LRP1B: variants seen among roughly 807,000 people sequenced by gnomAD.
LRP1B encodes LDL receptor related protein 1B.
A neutral mutation model predicts 556.6 loss-of-function variants in LRP1B; 217 were observed. The observed-to-expected ratio is 0.39, with a 90% CI of 0.35 to 0.44. LRP1B has a LOEUF of 0.44. Among genes scored for constraint, LRP1B ranks in the 20% least tolerant of loss-of-function variants. The probability of loss-of-function intolerance (pLI) is 1.00; values close to 1 mark genes in which losing one functional copy is unlikely to be tolerated. For synonymous variants in LRP1B, 2,047 were observed against 1,865.8 expected (o/e 1.10, Z -2.50); for missense variants, 5,053 against 5,620.8 (o/e 0.90, Z 3.23).
At chr2:140,677,938 G>A (rs1685730564) in intron 41 of LRP1B, among the ~76,000 whole-genome samples, 1 of 151,104 alleles carries the variant, frequency 6.6e-6, no homozygotes. Context: ...AGGAGAATGA[G>A]TGGCATTGTT....
intron 8 of LRP1B, 90 bp downstream of exon 8, chr2:141,061,954 AGCTCGAC>A: frequency 1.1e-6 from 1 of 888,524 alleles, no homozygotes; most frequent in Non-Finnish European, 1.8e-6. Flanking sequence ...GACTCATTGC[AGCTCGAC>A]TTTACAAGAA....
At chr2:141,086,787 A>ATC (rs889580730) in intron 7 of LRP1B, among the ~76,000 whole-genome samples, 1 of 152,110 alleles carries the variant, frequency 6.6e-6, no homozygotes, top group Non-Finnish European at 1.5e-5. Flanking sequence ...GATTCAATCC[A>ATC]TCTCTTCATG....
chr2:140,601,316 AAG>A, intron 42 of LRP1B, 132 bp downstream of exon 42: 1 of 819,094 alleles, frequency 1.2e-6, no homozygotes, highest in Non-Finnish European at 1.7e-6. Flanking sequence ...ATAAAAAAAA[AAG>A]TTTTATGAAT....
chr2:141,885,596 T>C (rs967807224), intron 1 of LRP1B, among the ~76,000 whole-genome samples: 3 of 152,254 alleles, frequency 2.0e-5, no homozygotes, highest in South Asian at 2.1e-4. Flanking sequence ...AATGAGAGTG[T>C]CTAAGGGAGA....
intron 68 of LRP1B, among the ~76,000 whole-genome samples, chr2:140,375,103 T>C (rs969300538): frequency 6.6e-6 from 1 of 152,008 alleles, no homozygotes; most frequent in Non-Finnish European, 1.5e-5. Flanking sequence ...CTTTGCAACC[T>C]CCAAAGTGAT....
At chr2:140,401,541 T>A (rs1181210049) in intron 66 of LRP1B, among the ~76,000 whole-genome samples, 1 of 152,126 alleles carries the variant, frequency 6.6e-6, no homozygotes, top group African/African-American at 2.4e-5. Flanking sequence ...AGAGTGCTGA[T>A]CCACCTGAGA....
chr2:140,390,768 TCACACA>T (rs70985096), intron 66 of LRP1B, among the ~76,000 whole-genome samples: 44,545 of 143,658 alleles, frequency 0.31, 7,507 homozygotes, highest in Non-Finnish European at 0.41. Flanking sequence ...AATAGAAACT[TCACACA>T]CACACACACA....
Position 141,326,109 on chromosome 2 carries a change from T to C in LRP1B, c.344-71468A>G, listed in dbSNP as rs1390289251. ...AATGATTTCCTTTATTCTTATAAGA[T>C]GAATATTCATTTACACAGAGAGACA... On this transcript the variant is annotated intron_variant, in intron 3 of 90. Transcript: ENST00000389484. Among the ~76,000 whole-genome samples the C allele has an allele frequency of 8.5e-5, 13 of 152,278 alleles. No homozygotes were observed. The South Asian group carries it at 2.5e-3, about 29-fold the overall frequency.
At chr2:141,916,071 T>C (rs1225644809) in intron 1 of LRP1B, among the ~76,000 whole-genome samples, 1 of 152,214 alleles carries the variant, frequency 6.6e-6, no homozygotes, top group Admixed American at 6.5e-5. Context: ...AAACCCATTG[T>C]TGGGCATATT....
intron 2 of LRP1B, among the ~76,000 whole-genome samples, chr2:141,560,375 C>A (rs939691659): frequency 2.0e-5 from 3 of 151,650 alleles, no homozygotes; most frequent in South Asian, 2.1e-4. Context: ...ATAGCTAAAC[C>A]GCTGGATTGC....
At position 141,564,992 on chromosome 2, in the gene LRP1B, A is replaced by T. The variant is rs115329726; in HGVS notation, c.206-84459T>A. 5.7e-3 allele frequency among the ~76,000 whole-genome samples: 867 copies of T among 152,274 alleles called. 6 individuals carry two copies. Among genetic ancestry groups the T allele is most frequent in the African/African-American group, 0.02 (838 of 41,564 alleles). ...GACATTTTAAATGAAGAATTTATTT[A>T]TATTCAATAATGTTTTGGGCAACCT... On this transcript the variant is annotated intron_variant, in intron 2 of 90. Coordinates refer to ENST00000389484, the MANE Select transcript of LRP1B (RefSeq NM_018557.3).
At chr2:141,579,042 C>T (rs1686860696) in intron 2 of LRP1B, among the ~76,000 whole-genome samples, 1 of 152,112 alleles carries the variant, frequency 6.6e-6, no homozygotes, top group Non-Finnish European at 1.5e-5. Context: ...TTTCTTTAAC[C>T]AGTGACATTC....
At chr2:141,060,949 C>T (rs1699317444) in intron 8 of LRP1B, among the ~76,000 whole-genome samples, 1 of 151,764 alleles carries the variant, frequency 6.6e-6, no homozygotes, top group Non-Finnish European at 1.5e-5. Context: ...ACACTTCAGG[C>T]TTTCAAAACT....
intron 41 of LRP1B, among the ~76,000 whole-genome samples, chr2:140,661,327 T>C (rs1685083820): frequency 6.6e-6 from 1 of 151,858 alleles, no homozygotes; most frequent in South Asian, 2.1e-4. Flanking sequence ...GGAATTACAT[T>C]ACCAGGATTT....
At chr2:141,415,651 A>G (rs945419431) in intron 3 of LRP1B, among the ~76,000 whole-genome samples, 2 of 152,204 alleles carry the variant, frequency 1.3e-5, no homozygotes, top group Non-Finnish European at 2.9e-5. Context: ...CTTCTTAAGT[A>G]TTACAAAAAG....
intron 3 of LRP1B, among the ~76,000 whole-genome samples, chr2:141,470,182 A>G (rs1201400107): frequency 6.6e-6 from 1 of 152,210 alleles, no homozygotes; most frequent in Admixed American, 6.5e-5. Context: ...TATTTCTTCC[A>G]GATTCCATCA....
intron 55 of LRP1B, among the ~76,000 whole-genome samples, chr2:140,496,474 TG>T (rs1053168895): frequency 3.9e-5 from 6 of 152,190 alleles, no homozygotes; most frequent in African/African-American, 1.4e-4. Context: ...TTAATGTAGA[TG>T]TTTTTTATCT....
intron 3 of LRP1B, among the ~76,000 whole-genome samples, chr2:141,422,059 T>A (rs141698385): frequency 6.6e-6 from 1 of 152,314 alleles, no homozygotes; most frequent in Non-Finnish European, 1.5e-5. Context: ...AGGAAACAGT[T>A]TTTTATGAAT....
rs116466884 is a variant in LRP1B, at chr2:140,818,420, G to A, written c.5210-4614C>T. 6.6e-3 allele frequency among the ~76,000 whole-genome samples: 1,006 copies of A among 152,270 alleles called. 13 individuals are homozygous for A. The highest frequency in any genetic ancestry group is 0.023 in the African/African-American group (956 of 41,544). ...ATAAGTTACATCACATGCTATATCTGTAGAAGAATTATAATATTCTAAATA... is the reference window on the plus strand; with the variant it reads ...ATAAGTTACATCACATGCTATATCTATAGAAGAATTATAATATTCTAAATA... On this transcript the variant is annotated intron_variant, in intron 31 of 90. Transcript: ENST00000389484.
Sources: allele counts gnomAD v4.1 joint callset (sites outside exome capture counted in the v4.1 genomes callset), GRCh38; gene constraint gnomAD v4.1.1; transcripts MANE v1.5; gene names NCBI Gene and HGNC (gene_info 2026-07-23, HGNC 2026-07-21).